The following ITSN1 variants were observed in gnomAD, a reference collection of about 807,000 sequenced individuals.
ITSN1 encodes the protein intersectin 1, also known as intersectin-1.
ITSN1 carries 58 observed loss-of-function variants against 239.8 expected under a neutral mutation model. The ratio of observed to expected loss-of-function variants is 0.24; its 90% CI spans 0.20 to 0.30. The LOEUF (loss-of-function observed/expected upper bound fraction) is 0.30, where lower values mean the gene tolerates loss of function less well. Among genes scored for constraint, ITSN1 ranks in the 10% least tolerant of loss-of-function variants. The pLI is 1.00. For missense variants in ITSN1, 1,558 were observed against 2,103.3 expected, an observed-to-expected ratio of 0.74 and a Z score of 5.07; for synonymous variants, 780 against 770.8, an observed-to-expected ratio of 1.01 and a Z score of -0.20.
intron 1 of ITSN1, among the ~76,000 whole-genome samples, chr21:33,684,022 A>ATCT (rs2091109614): frequency 6.6e-6 from 1 of 152,200 alleles, no homozygotes; most frequent in Non-Finnish European, 1.5e-5. Context: ...ACCGTGTAAC[A>ATCT]TCTGTTAGAG....
Position 33,797,708 on chromosome 21 carries a change from T to A in ITSN1, c.2182+100T>A. On this transcript the variant is annotated intron_variant, in intron 18 of 39. Coordinates refer to ENST00000381318, the MANE Select transcript of ITSN1 (RefSeq NM_003024.3). The surrounding 1 kb of genome is among the most constrained non-coding windows in gnomAD (Gnocchi z 4.9). ...TCATCAGTACCTGTCTTGGCTACAT[T>A]AACAGATGAGAACGTCAGTCTCTTA... The A allele has an allele frequency of 3.6e-6, 3 of 838,010 alleles. No individual in the cohort carries two copies. The highest frequency in any genetic ancestry group is 1.7e-5 in the South Asian group (1 of 57,384). The allele number at this position is 838,010 out of a possible 1,614,324, so 51.9% of individuals were successfully genotyped here. A position where few individuals can be genotyped will look rare whatever the true frequency, so the allele number is the denominator to read the frequency against.
chr21:33,704,923 TAAAAAAAAA>T (rs55966725), intron 1 of ITSN1, among the ~76,000 whole-genome samples: 9 of 93,690 alleles, frequency 9.6e-5, no homozygotes, highest in African/African-American at 3.5e-4. Flanking sequence ...CCATCTCTAC[TAAAAAAAAA>T]AAAAAAAAAA....
chr21:33,688,784 A>G (rs1475881565), intron 1 of ITSN1, among the ~76,000 whole-genome samples: 4 of 151,908 alleles, frequency 2.6e-5, no homozygotes, highest in African/African-American at 9.7e-5. Flanking sequence ...CAGTTCTCTA[A>G]GAATAGTTCA....
chr21:33,884,209 ATTG>A (rs375803637), intron 36 of ITSN1, among the ~76,000 whole-genome samples: 26 of 151,788 alleles, frequency 1.7e-4, no homozygotes, highest in East Asian at 3.9e-4. Context: ...TGCACCTGGC[ATTG>A]TTGTTGTTGT....
chr21:33,745,727 C>T (rs1471048072), intron 5 of ITSN1, among the ~76,000 whole-genome samples: 5 of 152,130 alleles, frequency 3.3e-5, no homozygotes, highest in African/African-American at 1.2e-4. Context: ...AATGACAATT[C>T]TGGCCACAGA....
chr21:33,656,281 AGAG>A (rs1245036584), intron 1 of ITSN1, among the ~76,000 whole-genome samples: 3 of 152,236 alleles, frequency 2.0e-5, no homozygotes, highest in African/African-American at 7.2e-5. Context: ...GGATCTGTCA[AGAG>A]GAGAAAAAAA....
intron 29 of ITSN1, among the ~76,000 whole-genome samples, chr21:33,847,826 G>T (rs564165610): frequency 6.6e-6 from 1 of 152,172 alleles, no homozygotes; most frequent in East Asian, 1.9e-4. Flanking sequence ...CGCTTTTCGC[G>T]CCAGGTGTCT....
chr21:33,784,148 T>C (rs758034742), intron 16 of ITSN1, among the ~76,000 whole-genome samples: 1 of 152,196 alleles, frequency 6.6e-6, no homozygotes, highest in Non-Finnish European at 1.5e-5. Flanking sequence ...CTTTCTCTTA[T>C]TAACTTTAAT....
At chr21:33,734,914 T>G in intron 4 of ITSN1, 130 bp from the exon 5 acceptor site, 1 of 645,904 alleles carries the variant, frequency 1.5e-6, no homozygotes, top group Non-Finnish European at 2.5e-6. Flanking sequence ...TGGTAAACAG[T>G]TATGTTTTCT....
chr21:33,828,536 T>A (rs552847602), intron 26 of ITSN1, among the ~76,000 whole-genome samples: 1 of 152,256 alleles, frequency 6.6e-6, no homozygotes, highest in African/African-American at 2.4e-5. Context: ...TCTTACTTGT[T>A]CCCTGGAGTG....
intron 31 of ITSN1, among the ~76,000 whole-genome samples, chr21:33,862,302 A>G (rs1980766252): frequency 6.6e-6 from 1 of 151,922 alleles, no homozygotes; most frequent in African/African-American, 2.4e-5. Context: ...GAAAAAAAAA[A>G]TAAGAGCTTG....
In ITSN1 at chr21:33,889,124, C is replaced by T. The variant is rs576493901; in HGVS notation, c.*824C>T. On this transcript the variant is annotated 3_prime_UTR_variant, in exon 40 of 40. Coordinates refer to ENST00000381318, the MANE Select transcript of ITSN1 (RefSeq NM_003024.3). Reference sequence around the variant, plus strand: ...TTTACAATGTTGGGTCACTGGGTCTCGGTTGGCAGCCATGTTGGAAAAATC... The same window carrying T: ...TTTACAATGTTGGGTCACTGGGTCTTGGTTGGCAGCCATGTTGGAAAAATC... 2 of 152,076 alleles carry T rather than the reference C, an allele frequency of 1.3e-5. No individual in the cohort carries two copies. The highest frequency in any genetic ancestry group is 1.9e-4 in the East Asian group (1 of 5,176). 9.4% of individuals were successfully genotyped at this position (152,076 alleles called of 1,614,324 possible).
intron 1 of ITSN1, among the ~76,000 whole-genome samples, chr21:33,715,605 T>A (rs1351936381): frequency 6.6e-6 from 1 of 152,138 alleles, no homozygotes; most frequent in East Asian, 1.9e-4. Flanking sequence ...AATGAGAAAT[T>A]GTCGAGGAAA....
chr21:33,789,803 A>G (rs2070964755), intron 16 of ITSN1, among the ~76,000 whole-genome samples: 1 of 152,204 alleles, frequency 6.6e-6, no homozygotes, highest in Non-Finnish European at 1.5e-5. Flanking sequence ...AAACTTCTTC[A>G]GTAAACCTGA....
At chr21:33,778,965 C>T (rs897582329) in intron 14 of ITSN1, among the ~76,000 whole-genome samples, 2 of 152,108 alleles carry the variant, frequency 1.3e-5, no homozygotes, top group Non-Finnish European at 2.9e-5. Context: ...TGTGTCCTCT[C>T]ACTCTGTCTC....
At chr21:33,734,246 C>A (rs2066359200) in intron 4 of ITSN1, among the ~76,000 whole-genome samples, 1 of 152,094 alleles carries the variant, frequency 6.6e-6, no homozygotes, top group Admixed American at 6.6e-5. Flanking sequence ...GTTACAAGGA[C>A]AAACTTTTGC....
At chr21:33,807,024 C>G (rs1392037935) in intron 20 of ITSN1, among the ~76,000 whole-genome samples, 1 of 152,132 alleles carries the variant, frequency 6.6e-6, no homozygotes, top group African/African-American at 2.4e-5. Context: ...GAATGAAAGT[C>G]TCTTACAGCC....
At chr21:33,739,269 TGGGTAGA>T (rs2066696477) in intron 5 of ITSN1, among the ~76,000 whole-genome samples, 1 of 152,222 alleles carries the variant, frequency 6.6e-6, no homozygotes, top group Non-Finnish European at 1.5e-5. Flanking sequence ...GGAAATTCTA[TGGGTAGA>T]CTTGGTACCT....
chr21:33,885,723 G>T (rs1049397542), intron 38 of ITSN1, among the ~76,000 whole-genome samples: 6 of 152,004 alleles, frequency 3.9e-5, no homozygotes, highest in East Asian at 1.9e-4. Flanking sequence ...CTGCTTCTCC[G>T]AGGGATCTGA....
Sources: allele counts gnomAD v4.1 joint callset (sites outside exome capture counted in the v4.1 genomes callset), GRCh38; gene constraint gnomAD v4.1.1; non-coding constraint Gnocchi (gnomAD v3.1); transcripts MANE v1.5; gene names NCBI Gene and HGNC (gene_info 2026-07-23, HGNC 2026-07-21).